The following TENM2 variants were observed in gnomAD, a reference collection of about 807,000 sequenced individuals.
TENM2 encodes the protein teneurin-2.
In TENM2, 52 loss-of-function variants were observed where a neutral mutation model predicts 245.2. The ratio of observed to expected loss-of-function variants is 0.21; its 90% CI spans 0.17 to 0.27. The LOEUF (loss-of-function observed/expected upper bound fraction) is 0.27, where lower values mean the gene tolerates loss of function less well. Among genes scored for constraint, TENM2 ranks in the 10% least tolerant of loss-of-function variants. The pLI is 1.00. For synonymous variants in TENM2, 1,363 were observed against 1,438.9 expected (o/e 0.95, Z 1.19); for missense variants, 3,046 against 3,666.8 (o/e 0.83, Z 4.37).
chr5:167,947,515 C>T (rs778620155), intron 3 of TENM2, among the ~76,000 whole-genome samples: 3 of 152,158 alleles, frequency 2.0e-5, no homozygotes, highest in Non-Finnish European at 2.9e-5. Context: ...TGAACATCTG[C>T]AACAGACTCT....
At chr5:167,381,664 T>C (rs1761104039) in intron 2 of TENM2, among the ~76,000 whole-genome samples, 1 of 152,156 alleles carries the variant, frequency 6.6e-6, no homozygotes, top group Admixed American at 6.6e-5. Flanking sequence ...TCACCTGATC[T>C]TCCTCCAGGC....
the TENM2 span, among the ~76,000 whole-genome samples, chr5:167,036,560 T>A: frequency 6.6e-6 from 1 of 152,192 alleles, no homozygotes. Context: ...TTAAATTATA[T>A]CAATATTTGT....
At chr5:167,802,988 G>A (rs1483638751) in intron 2 of TENM2, among the ~76,000 whole-genome samples, 2 of 152,046 alleles carry the variant, frequency 1.3e-5, no homozygotes, top group Admixed American at 6.6e-5. Flanking sequence ...TTGCAAAGAC[G>A]GTTGCTGACT....
chr5:167,627,106 T>A (rs1778559691), intron 2 of TENM2, among the ~76,000 whole-genome samples: 1 of 152,186 alleles, frequency 6.6e-6, no homozygotes, highest in African/African-American at 2.4e-5. Context: ...TGTTTTACAG[T>A]GTCAATTTGT....
chr5:168,262,457 G>A, exon 29 of TENM2: 6 of 1,567,218 alleles, frequency 3.8e-6, no homozygotes, highest in Non-Finnish European at 5.2e-6. Flanking sequence ...CACGCTGCTG[G>A]TCAACGGCAG....
At chr5:168,149,208 G>A (rs1756413184) in intron 12 of TENM2, among the ~76,000 whole-genome samples, 1 of 152,142 alleles carries the variant, frequency 6.6e-6, no homozygotes, top group African/African-American at 2.4e-5. Flanking sequence ...GAGCTGCTGT[G>A]ACTCAATGGT....
intron 2 of TENM2, among the ~76,000 whole-genome samples, chr5:167,430,213 A>G (rs1764133588): frequency 6.6e-6 from 1 of 152,196 alleles, no homozygotes; most frequent in South Asian, 2.1e-4. Flanking sequence ...TTATGTATGT[A>G]AAAATCTACC....
intron 13 of TENM2, among the ~76,000 whole-genome samples, chr5:168,183,109 C>A (rs183768951): frequency 6.6e-6 from 1 of 152,112 alleles, no homozygotes; most frequent in East Asian, 1.9e-4. Context: ...GGATTACAGG[C>A]GTGAGCCACC....
the TENM2 span, among the ~76,000 whole-genome samples, chr5:167,259,450 A>G: frequency 6.6e-5 from 10 of 152,344 alleles, no homozygotes; most frequent in East Asian, 1.9e-3. Context: ...TTAAATAATG[A>G]GTCAAATAAA....
intron 2 of TENM2, among the ~76,000 whole-genome samples, chr5:167,497,361 G>A (rs536755443): frequency 4.9e-4 from 75 of 152,154 alleles, no homozygotes; most frequent in African/African-American, 1.5e-3. Flanking sequence ...CTCTTTTCAT[G>A]AATTATTCTA....
At chr5:167,940,742 T>G (rs1779111607) in intron 3 of TENM2, among the ~76,000 whole-genome samples, 1 of 152,188 alleles carries the variant, frequency 6.6e-6, no homozygotes, top group African/African-American at 2.4e-5. Context: ...AGGCTGATAT[T>G]CTGGGCAATT....
rs117401905 is a variant in TENM2, at chr5:167,702,998, A to G, written c.503-172988A>G. ...TTTCTTCAAAAGTCCTTGCTTACAC[A>G]CACAACCTCTCTCCCTCTGTCTCCC... On this transcript the variant is annotated intron_variant, in intron 2 of 28. Transcript: ENST00000518659. 6.7e-4 allele frequency among the ~76,000 whole-genome samples: 102 copies of G among 152,228 alleles called. 1 individual carries two copies. The East Asian group carries it at 0.019, about 28-fold the overall frequency.
intron 6 of TENM2, among the ~76,000 whole-genome samples, chr5:168,047,868 C>G (rs1445690904): frequency 6.6e-6 from 1 of 152,094 alleles, no homozygotes; most frequent in Non-Finnish European, 1.5e-5. Flanking sequence ...ACAGCAGCCA[C>G]AGCAGCAGCT....
the TENM2 span, among the ~76,000 whole-genome samples, chr5:167,084,932 T>G: frequency 2.0e-5 from 3 of 152,202 alleles, no homozygotes; most frequent in Non-Finnish European, 4.4e-5. Context: ...TTACCTATGA[T>G]GCCTTTAACA....
chr5:167,250,592 A>G, the TENM2 span, among the ~76,000 whole-genome samples: 2 of 152,176 alleles, frequency 1.3e-5, no homozygotes, highest in African/African-American at 4.8e-5. Flanking sequence ...TGGAGCTATC[A>G]GACAAGAAAG....
the TENM2 span, among the ~76,000 whole-genome samples, chr5:167,020,359 C>T: frequency 1.3e-5 from 2 of 152,084 alleles, no homozygotes; most frequent in Non-Finnish European, 2.9e-5. Flanking sequence ...ATGCTTTTTC[C>T]TCCTCTCTAA....
chr5:168,002,467 G>A (rs1185985579), intron 5 of TENM2, among the ~76,000 whole-genome samples: 1 of 152,218 alleles, frequency 6.6e-6, no homozygotes, highest in East Asian at 1.9e-4. Flanking sequence ...GTGGCAGTGT[G>A]TCAAATGCAT....
intron 4 of TENM2, among the ~76,000 whole-genome samples, chr5:167,954,832 G>A (rs946500438): frequency 6.6e-6 from 1 of 152,216 alleles, no homozygotes; most frequent in Non-Finnish European, 1.5e-5. Context: ...ATTCCATGGT[G>A]TATATGTGCC....
chr5:168,203,644 ACT>A (rs762289027), intron 17 of TENM2, 43 bp from the exon 20 acceptor site: 155 of 1,528,632 alleles, frequency 1.0e-4, no homozygotes, highest in Middle Eastern at 1.8e-4. Flanking sequence ...AATCAAGTAA[ACT>A]CTCTCTTTTC....
Sources: gnomAD v4.1 joint callset for allele counts (sites outside exome capture counted in the v4.1 genomes callset) on GRCh38, gnomAD v4.1.1 for gene constraint, MANE v1.5 for transcripts, NCBI Gene and HGNC (gene_info 2026-07-23, HGNC 2026-07-21) for gene names.